The following RGMA variants were observed in gnomAD, a reference collection of about 807,000 sequenced individuals.
The protein encoded by RGMA is repulsive guidance molecule A.
Under a neutral mutation model 23.2 loss-of-function variants are expected in RGMA, and 10 were observed. The ratio of observed to expected loss-of-function variants is 0.43; its 90% CI spans 0.27 to 0.73. The LOEUF (loss-of-function observed/expected upper bound fraction) is 0.73, where lower values mean the gene tolerates loss of function less well. Ranked by LOEUF, RGMA falls within the 30% of genes least tolerant of loss-of-function variation. The pLI is 0.20. For missense variants in RGMA, 547 were observed against 630.5 expected (o/e 0.87, Z 1.42); for synonymous variants, 308 against 279.3 (o/e 1.10, Z -1.03).
At chr15:93,065,950 A>G in intron 2 of RGMA, 2 of 828,396 alleles carry the variant, frequency 2.4e-6, no homozygotes. Context: ...TCGGTAGAAG[A>G]AGGGTGGGGG....
At position 93,038,256 on chromosome 15, in the gene RGMA, G is replaced by C. The variant is rs1207923336; in HGVS notation, c.*6742C>G. 6.6e-6 allele frequency: 1 copy of C among 152,212 alleles called. No homozygotes were observed. Among genetic ancestry groups the C allele is most frequent in the Admixed American group, 6.5e-5 (1 of 15,276 alleles). 9.4% of individuals were successfully genotyped at this position (152,212 alleles called of 1,614,324 possible). On this transcript the variant is annotated 3_prime_UTR_variant, in exon 4 of 4. Transcript: ENST00000329082. ...GTAGACTCCTGGTTAGAGGGTTTGG[G>C]GGGCAGGGGTCTTCCCATTGCAGCA...
In RGMA at chr15:93,052,036, T is replaced by C. The variant is rs557256520; in HGVS notation, c.602A>G (p.Asn201Ser). 1 of 1,611,256 alleles carries C rather than the reference T, an allele frequency of 6.2e-7. No homozygotes were observed. Among genetic ancestry groups the C allele is most frequent in the South Asian group, 1.1e-5 (1 of 90,554 alleles). The change falls in exon 3 of 4, where the codon AAC becomes AGC. Residue 201 changes from asparagine to serine, a missense_variant. Asn to Ser is a conservative substitution (Grantham distance 46). Around this residue, in one of 3 missense-constraint regions of RGMA, gnomAD observed 128 missense variants for 191.7 expected, o/e 0.67. Transcript: ENST00000329082. ...CGCTGAGCCGGGCAGCACAGGCGTG[T>C]TGGTGACCTGCACGTTCAGGTAATT... Reference protein sequence around the residue: ...DNNYLNVQVTNTPVLPGSAAT... With the variant: ...DNNYLNVQVTSTPVLPGSAAT...
chr15:93,053,455 C>T (rs1180881127), intron 2 of RGMA, among the ~76,000 whole-genome samples: 4 of 152,198 alleles, frequency 2.6e-5, no homozygotes, highest in African/African-American at 9.7e-5. Context: ...GGGTCACAGC[C>T]CAGTCCTGGC....
intron 1 of RGMA, among the ~76,000 whole-genome samples, chr15:93,076,499 A>G (rs1420120840): frequency 6.6e-6 from 1 of 152,192 alleles, no homozygotes; most frequent in African/African-American, 2.4e-5. Context: ...GGATAAAGAA[A>G]TAAGACAGTC....
At chr15:93,048,582 A>G in intron 3 of RGMA, among the ~76,000 whole-genome samples, 1 of 152,090 alleles carries the variant, frequency 6.6e-6, no homozygotes, top group Non-Finnish European at 1.5e-5. Flanking sequence ...GACACGGCAC[A>G]CTTCCCATTT....
At chr15:93,082,330 C>T (rs1056604813) in intron 1 of RGMA, among the ~76,000 whole-genome samples, 18 of 152,220 alleles carry the variant, frequency 1.2e-4, no homozygotes, top group African/African-American at 3.9e-4. Context: ...TTCAGTTATA[C>T]TTGAGGCCTG....
chr15:93,055,594 C>A (rs904367321), intron 2 of RGMA, among the ~76,000 whole-genome samples: 1 of 152,362 alleles, frequency 6.6e-6, no homozygotes, highest in African/African-American at 2.4e-5. Flanking sequence ...CATCATCACA[C>A]AACCTCATTA....
At chr15:93,077,331 G>A (rs557280038) in intron 1 of RGMA, among the ~76,000 whole-genome samples, 1 of 152,330 alleles carries the variant, frequency 6.6e-6, no homozygotes, top group East Asian at 1.9e-4. Flanking sequence ...CTGAATCTCT[G>A]TGGGGTAGAG....
chr15:93,088,531 C>G, intron 1 of RGMA: 1 of 1,001,580 alleles, frequency 1.0e-6, no homozygotes, highest in Non-Finnish European at 1.2e-6. Flanking sequence ...GAGGCGGGGG[C>G]CCGGGCGGCG....
rs146352517 is a variant in RGMA, at chr15:93,042,860, G to C, written c.*2138C>G. ...GCTATGAGAAGATGGGCACTGGCAG[G>C]GAGGGTGGCAGGCAGTCCCAACAGC... On this transcript the variant is annotated 3_prime_UTR_variant, in exon 4 of 4. Coordinates refer to ENST00000329082, the MANE Select transcript of RGMA (RefSeq NM_020211.3). The C allele has an allele frequency of 2.0e-5, 3 of 149,750 alleles. No homozygotes were observed. The highest frequency in any genetic ancestry group is 7.2e-5 in the African/African-American group (3 of 41,408). The allele number at this position is 149,750 out of a possible 1,614,324, so 9.3% of individuals were successfully genotyped here.
At chr15:93,065,792 G>T in intron 2 of RGMA, 1 of 1,003,786 alleles carries the variant, frequency 1.0e-6, no homozygotes, top group Non-Finnish European at 1.5e-6. Flanking sequence ...GGCTGGCTGG[G>T]GTGGTCTGGG....
At chr15:93,071,965 T>C (rs914677553) in intron 2 of RGMA, among the ~76,000 whole-genome samples, 7 of 152,256 alleles carry the variant, frequency 4.6e-5, no homozygotes, top group Non-Finnish European at 1.0e-4. Context: ...TGTTTATTTG[T>C]ATTTTTAGCA....
chr15:93,055,573 C>T (rs1218952873), intron 2 of RGMA, among the ~76,000 whole-genome samples: 2 of 152,186 alleles, frequency 1.3e-5, no homozygotes, highest in Admixed American at 1.3e-4. Context: ...CTCACGCCCC[C>T]GGCAGCCACA....
At chr15:93,051,644 G>A (rs917020017) in intron 3 of RGMA, among the ~76,000 whole-genome samples, 3 of 152,208 alleles carry the variant, frequency 2.0e-5, no homozygotes, top group Admixed American at 6.5e-5. Flanking sequence ...GCCTCGTGGG[G>A]CCGCTCAGAA....
intron 1 of RGMA, among the ~76,000 whole-genome samples, chr15:93,080,461 G>A (rs79877921): frequency 0.053 from 8,111 of 152,228 alleles, 311 homozygotes; most frequent in Middle Eastern, 0.088. Context: ...TCACCCAGCA[G>A]GCTTGGTGAC....
At chr15:93,065,532 G>A in intron 2 of RGMA, 2 of 653,508 alleles carry the variant, frequency 3.1e-6, no homozygotes, top group Non-Finnish European at 5.8e-6. Context: ...CAGGTCAGTT[G>A]GAAAAACTGG....
chr15:93,067,420 A>G (rs1226854667), intron 2 of RGMA, among the ~76,000 whole-genome samples: 1 of 152,240 alleles, frequency 6.6e-6, no homozygotes, highest in Non-Finnish European at 1.5e-5. Context: ...AAGGGCATAT[A>G]GAAACAGAAA....
At chr15:93,054,048 G>C (rs1369636685) in intron 2 of RGMA, among the ~76,000 whole-genome samples, 1 of 152,036 alleles carries the variant, frequency 6.6e-6, no homozygotes, top group Non-Finnish European at 1.5e-5. Context: ...TGGCCAACAT[G>C]ATGAAACCCC....
chr15:93,071,285 A>G (rs887596268), intron 2 of RGMA, among the ~76,000 whole-genome samples: 1 of 152,202 alleles, frequency 6.6e-6, no homozygotes, highest in Non-Finnish European at 1.5e-5. Context: ...TTTTATTTTA[A>G]TTTTGAATTC....
Sources: allele counts gnomAD v4.1 joint callset (sites outside exome capture counted in the v4.1 genomes callset), GRCh38; gene constraint gnomAD v4.1.1; regional missense constraint gnomAD v4.1.1; transcripts MANE v1.5; gene names NCBI Gene and HGNC (gene_info 2026-07-23, HGNC 2026-07-21).